ACOT12: variants seen among roughly 807,000 people sequenced by gnomAD.
The protein encoded by ACOT12 is acyl-CoA thioesterase 12, also known as acetyl-coenzyme A thioesterase.
ACOT12 carries 51 observed loss-of-function variants against 67.7 expected under a neutral mutation model. The ratio of observed to expected loss-of-function variants is 0.75; its 90% CI spans 0.60 to 0.95. ACOT12 has a LOEUF of 0.95. ACOT12 is among the 40% of genes least tolerant of loss of function. ACOT12 has a pLI of 0.00. For synonymous variants in ACOT12, 251 were observed against 244.6 expected (o/e 1.03, Z -0.24); for missense variants, 734 against 708.1 (o/e 1.04, Z -0.41).
Position 81,334,159 on chromosome 5 carries a change from T to C in ACOT12, c.1263-1554A>G, listed in dbSNP as rs575565554. On this transcript the variant is annotated intron_variant, in intron 12 of 14. Transcript: ENST00000307624. ...TCTTGCTAAAAGCAACTTCCACCAC[T>C]CAATAAACCTTGCACCCATCCTCCA... 7.2e-5 allele frequency among the ~76,000 whole-genome samples: 11 copies of C among 151,878 alleles called. No homozygotes were observed. In the South Asian group the frequency reaches 2.3e-3, roughly 32 times the overall value.
At chr5:81,332,228 C>T (rs73134839) in intron 13 of ACOT12, among the ~76,000 whole-genome samples, 2 of 152,170 alleles carry the variant, frequency 1.3e-5, no homozygotes, top group African/African-American at 2.4e-5. Context: ...TTACTGAATA[C>T]CAGTTTTACA....
intron 5 of ACOT12, among the ~76,000 whole-genome samples, chr5:81,350,291 T>C (rs1387717086): frequency 2.0e-5 from 3 of 152,276 alleles, no homozygotes; most frequent in East Asian, 1.9e-4. Context: ...TATTATATAT[T>C]CTTTTTTATA....
chr5:81,338,150 T>C lies in ACOT12; in HGVS notation c.1129-2249A>G, dbSNP rs186953437. Among the ~76,000 whole-genome samples the C allele has an allele frequency of 3.1e-3, 465 of 152,358 alleles. 4 individuals carry two copies. Among genetic ancestry groups the C allele is most frequent in the Non-Finnish European group, 3.2e-3 (216 of 68,028 alleles). On this transcript the variant is annotated intron_variant, in intron 11 of 14. Coordinates refer to ENST00000307624, the MANE Select transcript of ACOT12 (RefSeq NM_130767.3). ...AACCCTGCTAATAAAGGCCAGCTTT[T>C]GCTTAGTGAAAAAATTTTCCAGGAA...
the ACOT12 span, among the ~76,000 whole-genome samples, chr5:81,309,519 A>G: frequency 2.0e-5 from 3 of 152,152 alleles, no homozygotes; most frequent in Admixed American, 6.5e-5. Context: ...AACTCGGGTA[A>G]TTAAGGTTCA....
chr5:81,388,130 A>C (rs919821194), intron 1 of ACOT12, among the ~76,000 whole-genome samples: 6 of 152,184 alleles, frequency 3.9e-5, no homozygotes, highest in Non-Finnish European at 7.3e-5. Context: ...GATTAAATGC[A>C]TTGTTCTAAA....
downstream of ACOT12, among the ~76,000 whole-genome samples, chr5:81,325,008 C>A (rs1758641710): frequency 6.6e-6 from 1 of 152,164 alleles, no homozygotes; most frequent in Non-Finnish European, 1.5e-5. Flanking sequence ...TTAAGAGACA[C>A]CTGTGGTTGT....
intron 8 of ACOT12, among the ~76,000 whole-genome samples, chr5:81,344,675 T>C (rs1759315752): frequency 6.6e-6 from 1 of 151,936 alleles, no homozygotes; most frequent in South Asian, 2.1e-4. Context: ...TGTAGCCCGG[T>C]AGAGGTGAGG....
the ACOT12 span, among the ~76,000 whole-genome samples, chr5:81,321,023 A>C: frequency 7.8e-6 from 1 of 127,826 alleles, no homozygotes; most frequent in South Asian, 2.5e-4. Flanking sequence ...TGGGAGGCCC[A>C]GGTGGGTGGA....
intron 1 of ACOT12, among the ~76,000 whole-genome samples, chr5:81,391,200 T>A (rs1050654789): frequency 6.6e-6 from 1 of 152,196 alleles, no homozygotes; most frequent in Admixed American, 6.5e-5. Context: ...ATAGATAGAT[T>A]TTAGGGCTCT....
intron 3 of ACOT12, among the ~76,000 whole-genome samples, chr5:81,371,328 T>C (rs1400792105): frequency 6.6e-6 from 1 of 152,112 alleles, no homozygotes; most frequent in East Asian, 1.9e-4. Flanking sequence ...TCAAAGCTCA[T>C]TGTAGCCTCA....
At chr5:81,318,197 A>T in the ACOT12 span, among the ~76,000 whole-genome samples, 1 of 151,964 alleles carries the variant, frequency 6.6e-6, no homozygotes, top group African/African-American at 2.4e-5. Flanking sequence ...ATTCAATTTT[A>T]ATTACTTTTG....
chr5:81,370,697 A>G (rs1760222635), intron 3 of ACOT12, among the ~76,000 whole-genome samples: 1 of 152,182 alleles, frequency 6.6e-6, no homozygotes, highest in Non-Finnish European at 1.5e-5. Context: ...ATCCTTGCCC[A>G]TATTTTGATG....
intron 3 of ACOT12, among the ~76,000 whole-genome samples, chr5:81,365,093 CA>C (rs2153855293): frequency 6.6e-6 from 1 of 152,290 alleles, no homozygotes; most frequent in Admixed American, 6.5e-5. Flanking sequence ...CTCAGGATTG[CA>C]CTTCGCAGAA....
intron 3 of ACOT12, among the ~76,000 whole-genome samples, chr5:81,364,667 T>C (rs565110648): frequency 6.6e-6 from 1 of 152,308 alleles, no homozygotes; most frequent in South Asian, 2.1e-4. Context: ...GACCTCATGA[T>C]CCACCCACTT....
intron 12 of ACOT12, among the ~76,000 whole-genome samples, chr5:81,333,108 G>A (rs1046865146): frequency 3.3e-5 from 5 of 150,614 alleles, no homozygotes; most frequent in Non-Finnish European, 7.4e-5. Flanking sequence ...AAACGCAAGA[G>A]CTCTTTGATC....
At chr5:81,322,464 T>TAAAC in the ACOT12 span, among the ~76,000 whole-genome samples, 51 of 12,742 alleles carry the variant, frequency 4.0e-3, no homozygotes, top group South Asian at 0.038. Flanking sequence ...TCTCAAAAAA[T>TAAAC]AAACAAAAAA....
intron 13 of ACOT12, among the ~76,000 whole-genome samples, chr5:81,332,258 T>C (rs1758851868): frequency 1.3e-5 from 2 of 152,350 alleles, no homozygotes; most frequent in Admixed American, 6.5e-5. Context: ...GAAAAGGAAC[T>C]ACTTTAGGAT....
At chr5:81,345,099 T>G in intron 7 of ACOT12, 58 bp from the exon 8 acceptor site, 1 of 1,584,060 alleles carries the variant, frequency 6.3e-7, no homozygotes, top group Non-Finnish European at 8.6e-7. Context: ...CAGGCCCTCC[T>G]TGCACACCGC....
intron 4 of ACOT12, 40 bp from the exon 5 acceptor site, chr5:81,360,078 A>G: frequency 6.3e-7 from 1 of 1,575,248 alleles, no homozygotes; most frequent in African/African-American, 1.4e-5. Flanking sequence ...TGCCTTGTTA[A>G]ATTATAAAAG....
Sources: gnomAD v4.1 joint callset for allele counts (sites outside exome capture counted in the v4.1 genomes callset) on GRCh38, gnomAD v4.1.1 for gene constraint, MANE v1.5 for transcripts, NCBI Gene and HGNC (gene_info 2026-07-23, HGNC 2026-07-21) for gene names.